BTN3A1: variants seen among roughly 807,000 people sequenced by gnomAD.
BTN3A1 encodes the protein butyrophilin subfamily 3 member A1, also known as dJ45P21.3 (butyrophilin, subfamily 3, member A1).
BTN3A1 carries 24 observed loss-of-function variants against 43.0 expected under a neutral mutation model. That is an observed-to-expected ratio of 0.56 (90% CI 0.40 to 0.78). The LOEUF is 0.78. BTN3A1 is among the 30% of genes least tolerant of loss of function. The probability of loss-of-function intolerance (pLI) is 0.00; values close to 1 mark genes in which losing one functional copy is unlikely to be tolerated. For missense variants in BTN3A1, 533 were observed against 626.2 expected (o/e 0.85, Z 1.59); for synonymous variants, 181 against 234.7 (o/e 0.77, Z 2.09).
Position 26,405,476 on chromosome 6 carries a change from G to C in BTN3A1, c.-88G>C. ...CCATACTTGAGTTAGCTCTAGGGAAGTGGAGGTTTCCATTTGGAATTCTAT... is the reference window on the plus strand; with the variant it reads ...CCATACTTGAGTTAGCTCTAGGGAACTGGAGGTTTCCATTTGGAATTCTAT... On this transcript the variant is annotated 5_prime_UTR_variant, in exon 2 of 10. Coordinates refer to ENST00000289361, the MANE Select transcript of BTN3A1 (RefSeq NM_007048.6). The C allele has an allele frequency of 7.7e-7, 1 of 1,299,462 alleles. No individual in the cohort carries two copies. Among genetic ancestry groups the C allele is most frequent in the South Asian group, 1.2e-5 (1 of 84,064 alleles). The allele number at this position is 1,299,462 out of a possible 1,614,324, so 80.5% of individuals were successfully genotyped here.
chr6:26,411,774 G>A, intron 9 of BTN3A1, 193 bp downstream of exon 9: 1 of 635,464 alleles, frequency 1.6e-6, no homozygotes, highest in African/African-American at 1.8e-5. Flanking sequence ...AGAGCCCAGG[G>A]AACCAGGGCG....
intron 2 of BTN3A1, 66 bp downstream of exon 2, chr6:26,405,714 T>G: frequency 6.3e-7 from 1 of 1,598,370 alleles, no homozygotes; most frequent in Non-Finnish European, 8.6e-7. Flanking sequence ...CATAGGACTT[T>G]TGACTCCTTC....
intron 2 of BTN3A1, 50 bp from the exon 3 acceptor site, chr6:26,405,859 T>A (rs1484380854): frequency 6.2e-7 from 1 of 1,613,028 alleles, no homozygotes; most frequent in Non-Finnish European, 8.5e-7. Flanking sequence ...CTTCCTCTCA[T>A]GACCCCAACT....
chr6:26,408,051 G>A, intron 4 of BTN3A1, 99 bp downstream of exon 4: 2 of 1,544,584 alleles, frequency 1.3e-6, no homozygotes, highest in Non-Finnish European at 1.8e-6. Flanking sequence ...TCTCTGCACT[G>A]AATATAAGGC....
Position 26,409,570 on chromosome 6 carries a change from C to T in BTN3A1, c.753C>T (p.Ala251=), listed in dbSNP as rs1176605827. ...FFRSAQRWIA[A]LAGTLPVLLL... is the part of the protein sequence containing the mutation. ...GGAGCGCCCAGAGGTGGATCGCCGC[C>T]CTGGCAGGGACCCTGCCTGTCTTGC... Residue 251 remains alanine, a synonymous_variant, in exon 5 of 10, where the codon GCC becomes GCT. Coordinates refer to ENST00000289361, the MANE Select transcript of BTN3A1 (RefSeq NM_007048.6). 3 of 1,613,882 alleles carry T rather than the reference C, an allele frequency of 1.9e-6. No individual in the cohort carries two copies. The African/African-American group carries it at 4.0e-5, about 22-fold the overall frequency.
At chr6:26,411,670 G>A in intron 9 of BTN3A1, 89 bp downstream of exon 9, 2 of 1,473,244 alleles carry the variant, frequency 1.4e-6, no homozygotes, top group East Asian at 2.3e-5. Flanking sequence ...TTGTGATTTG[G>A]GGAAGAAAAG....
chr6:26,413,816 C>G lies in BTN3A1; in HGVS notation c.*124C>G. On this transcript the variant is annotated 3_prime_UTR_variant, in exon 10 of 10. Transcript: ENST00000289361. ...GCTGAAGTAACTTTTCTCTGCTTCT[C>G]CCTGCCCAGCTCAGAGCTGAGGGCC... The G allele has an allele frequency of 1.9e-6, 3 of 1,582,744 alleles. No individual in the cohort carries two copies. The highest frequency in any genetic ancestry group is 2.6e-6 in the Non-Finnish European group (3 of 1,166,784).
Position 26,413,788 on chromosome 6 carries a change from C to T in BTN3A1, c.*96C>T, listed in dbSNP as rs1464726696. On this transcript the variant is annotated 3_prime_UTR_variant, in exon 10 of 10. Transcript: ENST00000289361. ...CTTAGCTAACGAAAGTGGGGAGCCT[C>T]AGGCTGAAGTAACTTTTCTCTGCTT... 8 of 1,600,350 alleles carry T rather than the reference C, an allele frequency of 5.0e-6. No individual in the cohort carries two copies. The highest frequency in any genetic ancestry group is 6.8e-6 in the Non-Finnish European group (8 of 1,179,302).
intron 8 of BTN3A1, 36 bp from the exon 9 acceptor site, chr6:26,411,519 C>G (rs376097422): frequency 6.2e-7 from 1 of 1,606,884 alleles, no homozygotes; most frequent in Non-Finnish European, 8.5e-7. Flanking sequence ...TACAAGAATA[C>G]TGACCTTTTC....
At position 26,405,445 on chromosome 6, in the gene BTN3A1, C is replaced by T. The variant is rs1761979429; in HGVS notation, c.-119C>T. 10 of 939,554 alleles carry T rather than the reference C, an allele frequency of 1.1e-5. No homozygotes were observed. The highest frequency in any genetic ancestry group is 7.4e-5 in the East Asian group (3 of 40,604). 58.2% of individuals were successfully genotyped at this position (939,554 alleles called of 1,614,324 possible). A position where few individuals can be genotyped will look rare whatever the true frequency, so the allele number is the denominator to read the frequency against. The stretch of plus-strand genomic sequence containing the variant: ...TTTTTGGCAGAGGAAAGATCTTCTT[C>T]GGTCACCATACTTGAGTTAGCTCTA... On this transcript the variant is annotated 5_prime_UTR_variant, in exon 2 of 10. Transcript: ENST00000289361.
chr6:26,411,025 A>AAAAAATT, intron 7 of BTN3A1, 84 bp from the exon 8 acceptor site: 7 of 796,986 alleles, frequency 8.8e-6, no homozygotes, highest in Non-Finnish European at 1.4e-5. Context: ...AAAAAAAAAG[A>AAAAAATT]TTAGATGGAT....
At chr6:26,413,042 A>T (rs944246318) in intron 9 of BTN3A1, 127 bp from the exon 10 acceptor site, 3 of 1,508,234 alleles carry the variant, frequency 2.0e-6, no homozygotes. Context: ...AGTCACATTT[A>T]GGGCAGACTA....
At chr6:26,409,982 C>T in intron 6 of BTN3A1, 24 bp from the exon 7 acceptor site, 1 of 1,614,186 alleles carries the variant, frequency 6.2e-7, no homozygotes, top group Non-Finnish European at 8.5e-7. Context: ...CTTGATGCAT[C>T]TTCCCCTGTT....
Position 26,413,803 on chromosome 6 carries a change from T to A in BTN3A1, c.*111T>A, listed in dbSNP as rs1374600936. ...TGGGGAGCCTCAGGCTGAAGTAACTTTTCTCTGCTTCTCCCTGCCCAGCTC... is the reference window on the plus strand; with the variant it reads ...TGGGGAGCCTCAGGCTGAAGTAACTATTCTCTGCTTCTCCCTGCCCAGCTC... On this transcript the variant is annotated 3_prime_UTR_variant, in exon 10 of 10. Coordinates refer to ENST00000289361, the MANE Select transcript of BTN3A1 (RefSeq NM_007048.6). 6.3e-7 allele frequency: 1 copy of A among 1,594,774 alleles called. No individual in the cohort carries two copies. The highest frequency in any genetic ancestry group is 1.3e-5 in the African/African-American group (1 of 74,764).
At chr6:26,409,152 A>T (rs1331186826) in intron 4 of BTN3A1, among the ~76,000 whole-genome samples, 1 of 123,940 alleles carries the variant, frequency 8.1e-6, no homozygotes, top group African/African-American at 3.0e-5. Flanking sequence ...ACTAATTTGA[A>T]GTTAAGAAAG....
Position 26,405,594 on chromosome 6 carries a change from C to A in BTN3A1, c.31C>A (p.Leu11Met). The change falls in exon 2 of 10, where the codon CTG (leucine) becomes ATG (methionine). Residue 11 changes from leucine (L) to methionine (M), a missense_variant. Physicochemically the swap from Leu to Met is conservative, Grantham distance 15 (BLOSUM62 2). Around this residue, in one of 4 missense-constraint regions of BTN3A1, gnomAD observed 56 missense variants for 67.1 expected, o/e 0.83. Coordinates refer to ENST00000289361, the MANE Select transcript of BTN3A1 (RefSeq NM_007048.6). MKMASFLAFL[L>M]LNFRVCLLLL... ...AATGGCAAGTTTCCTGGCCTTCCTTCTGCTCAACTTTCGTGTCTGCCTCCT... is the reference window on the plus strand; with the variant it reads ...AATGGCAAGTTTCCTGGCCTTCCTTATGCTCAACTTTCGTGTCTGCCTCCT... 1 of 1,614,202 alleles carries A rather than the reference C, an allele frequency of 6.2e-7. No homozygotes were observed. The highest frequency in any genetic ancestry group is 8.5e-7 in the Non-Finnish European group (1 of 1,180,038).
rs551602340 is a variant in BTN3A1 at position 26,414,854 on chromosome 6, T to A, written c.*1162T>A. On this transcript the variant is annotated 3_prime_UTR_variant, in exon 10 of 10. Coordinates refer to ENST00000289361, the MANE Select transcript of BTN3A1 (RefSeq NM_007048.6). Reference sequence around the variant, plus strand: ...GTGCACGCCACCACACCCAACAAATTTTTGTACTTTTAGTACAGATGAGGG... The same window carrying A: ...GTGCACGCCACCACACCCAACAAATATTTGTACTTTTAGTACAGATGAGGG... 1 of 152,130 alleles carries A rather than the reference T, an allele frequency of 6.6e-6. No homozygotes were observed. The highest frequency in any genetic ancestry group is 2.4e-5 in the African/African-American group (1 of 41,478). The allele number at this position is 152,130 out of a possible 1,614,324, so 9.4% of individuals were successfully genotyped here. A position where few individuals can be genotyped will look rare whatever the true frequency, so the allele number is the denominator to read the frequency against.
intron 8 of BTN3A1, 150 bp from the exon 9 acceptor site, chr6:26,411,405 C>T: frequency 1.9e-6 from 2 of 1,042,248 alleles, no homozygotes; most frequent in East Asian, 2.5e-5. Context: ...AAGGTACCAC[C>T]CCTGATCCAT....
At chr6:26,405,256 G>T in intron 1 of BTN3A1, 116 bp from the exon 2 acceptor site, 1 of 433,684 alleles carries the variant, frequency 2.3e-6, no homozygotes, top group Non-Finnish European at 4.2e-6. Context: ...GTGGTGGGTT[G>T]GACTTGGCAG....
Sources: allele counts gnomAD v4.1 joint callset (sites outside exome capture counted in the v4.1 genomes callset), GRCh38; gene constraint gnomAD v4.1.1; regional missense constraint gnomAD v4.1.1; transcripts MANE v1.5; gene names NCBI Gene and HGNC (gene_info 2026-07-23, HGNC 2026-07-21).